ELMOD1: variants seen among roughly 807,000 people sequenced by gnomAD.
The protein encoded by ELMOD1 is ELMO domain containing 1.
ELMOD1 carries 21 observed loss-of-function variants against 46.7 expected under a neutral mutation model. The ratio of observed to expected loss-of-function variants is 0.45; its 90% confidence interval spans 0.32 to 0.65. ELMOD1 has a LOEUF of 0.65. Ranked by LOEUF, ELMOD1 falls within the 30% of genes least tolerant of loss-of-function variation. The pLI is 0.04. For missense variants in ELMOD1, 348 were observed against 407.8 expected, an observed-to-expected ratio of 0.85 and a Z score of 1.26; for synonymous variants, 122 against 138.2, an observed-to-expected ratio of 0.88 and a Z score of 0.82.
intron 6 of ELMOD1, among the ~76,000 whole-genome samples, chr11:107,644,238 G>A (rs1373541066): frequency 5.3e-5 from 8 of 151,876 alleles, no homozygotes. Flanking sequence ...AGAGGTTGCA[G>A]TGAGCTGAGA....
At chr11:107,633,147 A>G (rs1866169021) in intron 5 of ELMOD1, among the ~76,000 whole-genome samples, 1 of 152,202 alleles carries the variant, frequency 6.6e-6, no homozygotes. Context: ...AAAATCTGAA[A>G]CACTTCTGGT....
chr11:107,646,769 CTTTTT>C lies in ELMOD1; in HGVS notation c.421-689_421-685del, dbSNP rs532834204. Among the ~76,000 whole-genome samples, 1,000 of 140,146 alleles carry C rather than the reference CTTTTT, an allele frequency of 7.1e-3. 9 individuals are homozygous for C. Among genetic ancestry groups the C allele is most frequent in the African/African-American group, 0.025 (958 of 38,446 alleles). 91.9% of individuals were successfully genotyped at this position (140,146 alleles called of 152,430 possible). ...GCAAAAAGAAACTCATGTCAGTTCACTTTTTTTTTTTTTTGGTTAATAATGCTGCT... is the reference window on the plus strand; with the variant it reads ...GCAAAAAGAAACTCATGTCAGTTCACTTTTTTTTTGGTTAATAATGCTGCT... On this transcript the variant is annotated intron_variant, in intron 6 of 11. Transcript: ENST00000265840.
chr11:107,592,422 G>A (rs747339501), intron 1 of ELMOD1: 1 of 534,554 alleles, frequency 1.9e-6, no homozygotes, highest in South Asian at 1.4e-5. Flanking sequence ...GCATTGTTCT[G>A]CATCTCTGCA....
intron 1 of ELMOD1, chr11:107,592,520 G>C (rs1865420764): frequency 2.0e-6 from 1 of 493,640 alleles, no homozygotes; most frequent in Admixed American, 2.1e-5. Context: ...CTTGTATTGG[G>C]ATAAATGTCT....
At chr11:107,654,906 AT>A (rs550865138) in intron 10 of ELMOD1, among the ~76,000 whole-genome samples, 1 of 151,934 alleles carries the variant, frequency 6.6e-6, no homozygotes, top group African/African-American at 2.4e-5. Flanking sequence ...TGAATAGAGA[AT>A]TTTTTTTCTG....
Position 107,604,455 on chromosome 11 carries a change from C to T in ELMOD1, c.-86+13046C>T, listed in dbSNP as rs141994914. Among the ~76,000 whole-genome samples the T allele has an allele frequency of 3.8e-3, 578 of 152,214 alleles. 4 individuals are homozygous for T. Among genetic ancestry groups the T allele is most frequent in the African/African-American group, 0.013 (528 of 41,524 alleles). On this transcript the variant is annotated intron_variant, in intron 1 of 11. Coordinates refer to ENST00000265840, the MANE Select transcript of ELMOD1 (RefSeq NM_018712.4). ...GTCATTAGTACTCATTTTCACCAAC[C>T]GATAAATTCTTATGCAGAAGCATCA...
intron 1 of ELMOD1, among the ~76,000 whole-genome samples, chr11:107,595,089 A>G (rs1865469733): frequency 1.3e-5 from 2 of 152,074 alleles, no homozygotes; most frequent in African/African-American, 4.8e-5. Context: ...GAAGATTCCA[A>G]TTTGCAGACT....
intron 1 of ELMOD1, among the ~76,000 whole-genome samples, chr11:107,611,113 T>G (rs1036112267): frequency 1.3e-5 from 2 of 151,538 alleles, no homozygotes; most frequent in African/African-American, 4.9e-5. Flanking sequence ...AAAATTGATA[T>G]GTGGGACTTA....
At chr11:107,598,868 A>G (rs1865539247) in intron 1 of ELMOD1, among the ~76,000 whole-genome samples, 1 of 152,236 alleles carries the variant, frequency 6.6e-6, no homozygotes, top group Non-Finnish European at 1.5e-5. Flanking sequence ...AGTTGCCTTC[A>G]GAACAAATTC....
chr11:107,618,246 G>A (rs1314898732), intron 2 of ELMOD1, 40 bp downstream of exon 2: 2 of 1,551,686 alleles, frequency 1.3e-6, no homozygotes, highest in Non-Finnish European at 1.7e-6. Flanking sequence ...CTCTGCAGTG[G>A]GAGAAACCTC....
chr11:107,599,056 G>A (rs1865542844), intron 1 of ELMOD1, among the ~76,000 whole-genome samples: 1 of 152,166 alleles, frequency 6.6e-6, no homozygotes, highest in Admixed American at 6.5e-5. Flanking sequence ...TTGGCCAGAA[G>A]GAAAGACATA....
chr11:107,608,563 G>A (rs1325389182), intron 1 of ELMOD1, among the ~76,000 whole-genome samples: 1 of 151,922 alleles, frequency 6.6e-6, no homozygotes, highest in Admixed American at 6.6e-5. Flanking sequence ...TTTGGGTGGG[G>A]GATATTTTTA....
intron 1 of ELMOD1, among the ~76,000 whole-genome samples, chr11:107,613,611 GTAT>G (rs1184623239): frequency 6.6e-6 from 1 of 152,164 alleles, no homozygotes; most frequent in African/African-American, 2.4e-5. Flanking sequence ...GGGAGTTAAA[GTAT>G]TATTTCACTT....
At chr11:107,610,593 G>T (rs1042555290) in intron 1 of ELMOD1, among the ~76,000 whole-genome samples, 4 of 151,472 alleles carry the variant, frequency 2.6e-5, no homozygotes, top group Admixed American at 2.6e-4. Flanking sequence ...AAACCGGGAG[G>T]CAGAGGTTGC....
intron 6 of ELMOD1, among the ~76,000 whole-genome samples, chr11:107,645,409 C>T (rs1351721402): frequency 3.3e-5 from 5 of 152,040 alleles, no homozygotes; most frequent in Admixed American, 6.5e-5. Context: ...CTGCAAGCTC[C>T]GCCTCCTGGG....
At chr11:107,640,549 A>G (rs1201356513) in intron 6 of ELMOD1, among the ~76,000 whole-genome samples, 1 of 152,170 alleles carries the variant, frequency 6.6e-6, no homozygotes, top group Non-Finnish European at 1.5e-5. Context: ...TTTGCTGTAC[A>G]TTCTTGTCTC....
At chr11:107,662,129 G>A (rs529847497) in intron 11 of ELMOD1, among the ~76,000 whole-genome samples, 1 of 152,270 alleles carries the variant, frequency 6.6e-6, no homozygotes, top group African/African-American at 2.4e-5. Context: ...CCAGAATGAG[G>A]AAGAACCTTT....
At chr11:107,655,572 C>CATTTTTTTTTT (rs1866613415) in intron 10 of ELMOD1, among the ~76,000 whole-genome samples, 1 of 39,426 alleles carries the variant, frequency 2.5e-5, no homozygotes, top group African/African-American at 1.3e-4. Flanking sequence ...TATTGAAATG[C>CATTTTTTTTTT]CTTTTTTTTT....
intron 1 of ELMOD1, among the ~76,000 whole-genome samples, chr11:107,606,050 T>C (rs1275216596): frequency 6.6e-6 from 1 of 152,222 alleles, no homozygotes; most frequent in East Asian, 1.9e-4. Flanking sequence ...TCTTTCCTTC[T>C]CTTTCTTTCC....
Sources: allele counts gnomAD v4.1 joint callset (sites outside exome capture counted in the v4.1 genomes callset), GRCh38; gene constraint gnomAD v4.1.1; transcripts MANE v1.5; gene names NCBI Gene and HGNC (gene_info 2026-07-23, HGNC 2026-07-21).